The following SH3BGRL variants were observed in gnomAD, a reference collection of about 807,000 sequenced individuals.
SH3BGRL encodes the protein SH3 domain binding glutamate rich protein like, also known as adapter SH3BGRL.
In SH3BGRL, 7 loss-of-function variants were observed where a neutral mutation model predicts 9.8. That is an observed-to-expected ratio of 0.72 (90% confidence interval 0.41 to 1.35). SH3BGRL has a LOEUF of 1.35. SH3BGRL is among the 40% of genes most tolerant of loss of function. The pLI, the probability that SH3BGRL is intolerant of heterozygous loss-of-function variation, is 0.01. For missense variants in SH3BGRL, 73 were observed against 84.4 expected (o/e 0.86, Z 0.53); for synonymous variants, 36 against 29.1 (o/e 1.24, Z -0.76).
intron 1 of SH3BGRL, among the ~76,000 whole-genome samples, chrX:81,205,765 A>G (rs978462779): frequency 9.1e-6 from 1 of 109,562 alleles, no homozygotes; most frequent in Non-Finnish European, 1.9e-5. Context: ...TGGTAGTTCT[A>G]TTTTTGTTTT....
At chrX:81,235,930 T>C (rs1303515274) in intron 1 of SH3BGRL, among the ~76,000 whole-genome samples, 1 of 111,884 alleles carries the variant, frequency 8.9e-6, no homozygotes, top group African/African-American at 3.3e-5. Context: ...CAGCTACTTT[T>C]AATTTCCTGA....
rs1460301620 is a variant in SH3BGRL at position 81,298,141 on chromosome X, G to A, written c.*914G>A. On this transcript the variant is annotated 3_prime_UTR_variant, in exon 4 of 4. Transcript: ENST00000373212. ...TGCCCGTTTAAAACAACTCACAATC[G>A]TAAATGCTACTATTCCTAAGATATC... 4 of 111,773 alleles carry A rather than the reference G, an allele frequency of 3.6e-5. No individual in the cohort carries two copies. Among genetic ancestry groups the A allele is most frequent in the African/African-American group, 1.3e-4 (4 of 30,963 alleles). 9.2% of individuals were successfully genotyped at this position (111,773 alleles called of 1,213,427 possible).
At chrX:81,224,348 C>G (rs2075609987) in intron 1 of SH3BGRL, among the ~76,000 whole-genome samples, 1 of 111,316 alleles carries the variant, frequency 9.0e-6, no homozygotes, top group African/African-American at 3.3e-5. Context: ...CATCCCATTC[C>G]CCAACCCCAG....
chrX:81,245,283 C>T (rs946231497), intron 1 of SH3BGRL, among the ~76,000 whole-genome samples: 1 of 111,779 alleles, frequency 8.9e-6, no homozygotes, highest in Non-Finnish European at 1.9e-5. Flanking sequence ...TATTCTGAGG[C>T]ACACAAACAT....
At chrX:81,206,990 C>G (rs967844128) in intron 1 of SH3BGRL, among the ~76,000 whole-genome samples, 1 of 112,220 alleles carries the variant, frequency 8.9e-6, no homozygotes, top group African/African-American at 3.2e-5. Flanking sequence ...CGTTTTGTTT[C>G]TTGAGATTGT....
intron 1 of SH3BGRL, among the ~76,000 whole-genome samples, chrX:81,262,260 A>G (rs1015575307): frequency 4.5e-5 from 5 of 111,424 alleles, no homozygotes; most frequent in African/African-American, 1.6e-4. Flanking sequence ...TAAAAGGTGC[A>G]GAACTCTGGC....
At chrX:81,247,986 C>T (rs906196710) in intron 1 of SH3BGRL, among the ~76,000 whole-genome samples, 18 of 107,641 alleles carry the variant, frequency 1.7e-4, no homozygotes, top group Non-Finnish European at 3.4e-4. Flanking sequence ...TTTTGGAACT[C>T]AGTATTGGCC....
intron 1 of SH3BGRL, among the ~76,000 whole-genome samples, chrX:81,245,669 T>C (rs1391999611): frequency 8.9e-6 from 1 of 111,864 alleles, no homozygotes; most frequent in Admixed American, 9.4e-5. Context: ...CTGTACCATG[T>C]TAGTTTTCTT....
chrX:81,224,943 G>T (rs1374617290), intron 1 of SH3BGRL, among the ~76,000 whole-genome samples: 1 of 109,568 alleles, frequency 9.1e-6, no homozygotes, highest in East Asian at 2.9e-4. Flanking sequence ...CTTGGAGTTT[G>T]CTGATTAAAA....
intron 3 of SH3BGRL, among the ~76,000 whole-genome samples, chrX:81,290,893 ATACTGGCTATGG>A (rs1419037368): frequency 9.0e-6 from 1 of 111,125 alleles, no homozygotes; most frequent in African/African-American, 3.3e-5. Context: ...AAAGAACAAA[ATACTGGCTATGG>A]AGCAATGTTA....
chrX:81,202,414 C>CTT (rs2075531182), intron 1 of SH3BGRL, 169 bp downstream of exon 1: 1 of 941,286 alleles, frequency 1.1e-6, no homozygotes, highest in East Asian at 5.0e-5. Context: ...GCATCGATTT[C>CTT]ATTTTTTTTT....
At position 81,297,845 on chromosome X, in the gene SH3BGRL, G is replaced by C. The variant is rs766291566; in HGVS notation, c.*618G>C. The C allele has an allele frequency of 8.9e-6, 1 of 111,744 alleles. No individual in the cohort carries two copies. The highest frequency in any genetic ancestry group is 1.9e-5 in the Non-Finnish European group (1 of 53,012). The allele number at this position is 111,744 out of a possible 1,213,427, so 9.2% of individuals were successfully genotyped here. On this transcript the variant is annotated 3_prime_UTR_variant, in exon 4 of 4. Transcript: ENST00000373212. ...ATTGCACATTTCAGTGATCAGAATA[G>C]ATATCCTTTTACACGCACAAAAGCA...
intron 1 of SH3BGRL, among the ~76,000 whole-genome samples, chrX:81,210,621 C>A (rs983817887): frequency 9.0e-6 from 1 of 111,272 alleles, no homozygotes; most frequent in African/African-American, 3.3e-5. Flanking sequence ...AGCCAGGTCA[C>A]AGAGCTAGTA....
intron 1 of SH3BGRL, among the ~76,000 whole-genome samples, chrX:81,265,895 G>T (rs896610294): frequency 2.7e-5 from 3 of 111,632 alleles, no homozygotes; most frequent in Non-Finnish European, 5.7e-5. Context: ...TTTAATGATC[G>T]CCATTCTAAC....
At chrX:81,261,958 T>C (rs2075742712) in intron 1 of SH3BGRL, among the ~76,000 whole-genome samples, 1 of 111,831 alleles carries the variant, frequency 8.9e-6, no homozygotes, top group Non-Finnish European at 1.9e-5. Context: ...TTTAATTTGG[T>C]ACATGAGATG....
intron 3 of SH3BGRL, among the ~76,000 whole-genome samples, chrX:81,280,704 C>G (rs775275254): frequency 7.2e-5 from 8 of 111,756 alleles, no homozygotes; most frequent in Middle Eastern, 4.7e-3. Context: ...TCTGACAGAG[C>G]CTACCCAAGT....
intron 1 of SH3BGRL, among the ~76,000 whole-genome samples, chrX:81,211,536 G>A (rs2075564056): frequency 9.1e-6 from 1 of 110,462 alleles, no homozygotes; most frequent in Admixed American, 9.6e-5. Flanking sequence ...GCAGTGATCC[G>A]AGATCGTGCC....
rs73634739 is a variant in SH3BGRL, at chrX:81,293,366, A to G, written c.313-3829A>G. Among the ~76,000 whole-genome samples the G allele has an allele frequency of 8.5e-3, 948 of 110,932 alleles. 8 individuals are homozygous for G. Among genetic ancestry groups the G allele is most frequent in the African/African-American group, 0.03 (902 of 30,469 alleles). ...TGGTAAATTGGTACCAGCACAGTGG[A>G]GTGTTGCTGAAAAGATACTTAAAAA... On this transcript the variant is annotated intron_variant, in intron 3 of 3. Coordinates refer to ENST00000373212, the MANE Select transcript of SH3BGRL (RefSeq NM_003022.3).
At chrX:81,290,331 G>A (rs958924105) in intron 3 of SH3BGRL, among the ~76,000 whole-genome samples, 7 of 112,103 alleles carry the variant, frequency 6.2e-5, no homozygotes, top group Non-Finnish European at 9.4e-5. Context: ...TAACCTAAGT[G>A]TCCATGAACA....
Sources: allele counts gnomAD v4.1 joint callset (sites outside exome capture counted in the v4.1 genomes callset), GRCh38; gene constraint gnomAD v4.1.1; transcripts MANE v1.5; gene names NCBI Gene and HGNC (gene_info 2026-07-23, HGNC 2026-07-21).